PLD5: variants seen among roughly 807,000 people sequenced by gnomAD.
PLD5 encodes the protein inactive phospholipase D5.
A neutral mutation model predicts 61.1 loss-of-function variants in PLD5; 36 were observed. The observed-to-expected ratio is 0.59, with a 90% CI of 0.45 to 0.78. The LOEUF is 0.78. Among genes scored for constraint, PLD5 ranks in the 30% least tolerant of loss-of-function variants. PLD5 has a pLI of 0.00. For missense variants in PLD5, 515 were observed against 644.4 expected (o/e 0.80, Z 2.17); for synonymous variants, 243 against 242.8 (o/e 1.00, Z -0.01).
At chr1:242,513,251 T>C (rs1035977338) in intron 1 of PLD5, among the ~76,000 whole-genome samples, 3 of 152,172 alleles carry the variant, frequency 2.0e-5, no homozygotes, top group African/African-American at 7.2e-5. Context: ...GTCTTATTCT[T>C]TCACTCAAGG....
chr1:242,451,666 C>T (rs1169058609), intron 1 of PLD5, among the ~76,000 whole-genome samples: 2 of 151,764 alleles, frequency 1.3e-5, no homozygotes, highest in Non-Finnish European at 2.9e-5. Flanking sequence ...CACCGTGTTG[C>T]CCAGGCTGGT....
intron 1 of PLD5, among the ~76,000 whole-genome samples, chr1:242,470,127 G>A (rs1043387048): frequency 2.0e-5 from 3 of 152,078 alleles, no homozygotes; most frequent in Non-Finnish European, 4.4e-5. Flanking sequence ...GGATCACGAG[G>A]TCAGGAGATC....
intron 2 of PLD5, among the ~76,000 whole-genome samples, chr1:242,302,878 G>C (rs764239294): frequency 1.3e-5 from 2 of 151,982 alleles, no homozygotes; most frequent in Non-Finnish European, 2.9e-5. Flanking sequence ...GAATTTAGAA[G>C]GGTAAAGGGA....
At position 242,353,034 on chromosome 1, in the gene PLD5, T is replaced by C. The variant is rs528346853; in HGVS notation, c.190-4792A>G. Among the ~76,000 whole-genome samples the C allele has an allele frequency of 3.8e-4, 58 of 152,344 alleles. No homozygotes were observed. The South Asian group carries it at 0.011, about 29-fold the overall frequency. ...CCTTTGTTTTAAATAAGCTTTTTATTTGAATGTAATCCCATGTGTTTATTT... is the reference window on the plus strand; with the variant it reads ...CCTTTGTTTTAAATAAGCTTTTTATCTGAATGTAATCCCATGTGTTTATTT... On this transcript the variant is annotated intron_variant, in intron 1 of 9. Coordinates refer to ENST00000536534, the MANE Select transcript of PLD5 (RefSeq NM_001372062.1).
intron 3 of PLD5, among the ~76,000 whole-genome samples, chr1:242,281,032 C>T (rs917040821): frequency 3.9e-5 from 6 of 152,234 alleles, no homozygotes; most frequent in African/African-American, 4.8e-5. Context: ...GAAAAGATGA[C>T]GGAGCCTGGG....
intron 1 of PLD5, among the ~76,000 whole-genome samples, chr1:242,459,489 G>GA (rs35952971): frequency 6.6e-6 from 1 of 152,102 alleles, no homozygotes; most frequent in Non-Finnish European, 1.5e-5. Context: ...TGTAAAATTG[G>GA]AAAAAATATT....
chr1:242,365,604 T>C (rs1357899214), intron 1 of PLD5: 1 of 157,270 alleles, frequency 6.4e-6, no homozygotes, highest in African/African-American at 2.4e-5. Flanking sequence ...TGATACACAA[T>C]GAAAATGAAG....
chr1:242,418,758 A>G (rs769829500), intron 1 of PLD5, among the ~76,000 whole-genome samples: 1 of 152,166 alleles, frequency 6.6e-6, no homozygotes, highest in South Asian at 2.1e-4. Context: ...AAATGTCCAC[A>G]CCACATCATA....
intron 5 of PLD5, among the ~76,000 whole-genome samples, chr1:242,162,578 TA>T (rs773598049): frequency 2.0e-5 from 3 of 152,046 alleles, no homozygotes; most frequent in Non-Finnish European, 4.4e-5. Flanking sequence ...CTTAATGTAT[TA>T]AAAAAAATTG....
intron 1 of PLD5, among the ~76,000 whole-genome samples, chr1:242,494,572 C>T (rs2809982): frequency 0.37 from 55,730 of 151,920 alleles, 11,198 homozygotes; most frequent in East Asian, 0.68. Flanking sequence ...ACCTCTGCAC[C>T]AGGCTTTACA....
chr1:242,127,333 C>T (rs563065896), intron 5 of PLD5, among the ~76,000 whole-genome samples: 3 of 152,070 alleles, frequency 2.0e-5, no homozygotes, highest in African/African-American at 4.8e-5. Flanking sequence ...AATCATTATA[C>T]GAAAAAATAC....
chr1:242,415,045 T>C (rs1291479062), intron 1 of PLD5, among the ~76,000 whole-genome samples: 9 of 152,150 alleles, frequency 5.9e-5, no homozygotes, highest in Non-Finnish European at 1.2e-4. Context: ...TAGAAATACA[T>C]TGAGGTACAG....
intron 5 of PLD5, among the ~76,000 whole-genome samples, chr1:242,124,991 C>T (rs901616569): frequency 4.6e-5 from 7 of 151,932 alleles, no homozygotes; most frequent in Non-Finnish European, 1.0e-4. Context: ...AATCAGGTGG[C>T]AAGAAAAAGG....
intron 5 of PLD5, among the ~76,000 whole-genome samples, chr1:242,125,667 G>A (rs1662725369): frequency 6.6e-6 from 1 of 152,172 alleles, no homozygotes; most frequent in Admixed American, 6.5e-5. Context: ...GGTTATTAGG[G>A]AAACCTTGGC....
intron 1 of PLD5, among the ~76,000 whole-genome samples, chr1:242,392,105 A>G (rs1662968463): frequency 6.6e-6 from 1 of 152,218 alleles, no homozygotes; most frequent in African/African-American, 2.4e-5. Context: ...TGCCCTTTGT[A>G]GAAACATGGA....
intron 1 of PLD5, among the ~76,000 whole-genome samples, chr1:242,408,194 G>C (rs1213630484): frequency 3.3e-5 from 5 of 152,180 alleles, no homozygotes; most frequent in Non-Finnish European, 4.4e-5. Flanking sequence ...CTTGATGAAG[G>C]ATTATTTAGT....
intron 4 of PLD5, among the ~76,000 whole-genome samples, chr1:242,245,690 A>G (rs1035128087): frequency 6.6e-6 from 1 of 152,228 alleles, no homozygotes; most frequent in Non-Finnish European, 1.5e-5. Flanking sequence ...GAAGCCCTTT[A>G]GGATATAAAT....
intron 4 of PLD5, among the ~76,000 whole-genome samples, chr1:242,229,599 T>A (rs960495965): frequency 2.6e-5 from 4 of 152,246 alleles, no homozygotes; most frequent in African/African-American, 9.6e-5. Flanking sequence ...TGATCTTCTC[T>A]AAGCATTTTG....
chr1:242,525,798 G>A (rs926084217), upstream of PLD5, among the ~76,000 whole-genome samples: 4 of 152,148 alleles, frequency 2.6e-5, no homozygotes, highest in South Asian at 2.1e-4. Flanking sequence ...TAGGAGGACA[G>A]GGATTGTGTT....
Sources: allele counts gnomAD v4.1 joint callset (sites outside exome capture counted in the v4.1 genomes callset), GRCh38; gene constraint gnomAD v4.1.1; transcripts MANE v1.5; gene names NCBI Gene and HGNC (gene_info 2026-07-23, HGNC 2026-07-21).